The following PBX3 variants were observed in gnomAD, a reference collection of about 807,000 sequenced individuals.
PBX3 encodes the protein PBX homeobox 3.
Under a neutral mutation model 48.5 loss-of-function variants are expected in PBX3, and 14 were observed. The observed-to-expected ratio is 0.29, with a 90% confidence interval of 0.19 to 0.45. The LOEUF (loss-of-function observed/expected upper bound fraction) is 0.45. PBX3 is among the 20% of genes least tolerant of loss of function. The probability of loss-of-function intolerance (pLI) is 1.00; values close to 1 mark genes in which losing one functional copy is unlikely to be tolerated. For synonymous variants in PBX3, 210 were observed against 200.3 expected (o/e 1.05, Z -0.41); for missense variants, 386 against 546.7 (o/e 0.71, Z 2.93).
chr9:125,756,578 A>T (rs1227163696), intron 2 of PBX3, among the ~76,000 whole-genome samples: 1 of 152,164 alleles, frequency 6.6e-6, no homozygotes, highest in Non-Finnish European at 1.5e-5. Context: ...AAGTGTCTGA[A>T]TTCCACCACT....
chr9:125,783,550 G>A (rs904085286), intron 2 of PBX3, among the ~76,000 whole-genome samples: 4 of 152,068 alleles, frequency 2.6e-5, no homozygotes, highest in Non-Finnish European at 4.4e-5. Context: ...AGCCCCCAAA[G>A]TTCTGGGATT....
chr9:125,763,547 C>A (rs1197760415), intron 2 of PBX3, among the ~76,000 whole-genome samples: 4 of 152,122 alleles, frequency 2.6e-5, no homozygotes, highest in Non-Finnish European at 5.9e-5. Context: ...GGTGTCAGCA[C>A]CCCAGGGATA....
chr9:125,885,564 G>T (rs1044879232), intron 2 of PBX3, among the ~76,000 whole-genome samples: 1 of 152,086 alleles, frequency 6.6e-6, no homozygotes, highest in East Asian at 1.9e-4. Flanking sequence ...CAGTTTGCTA[G>T]CAGGGCGACA....
intron 2 of PBX3, among the ~76,000 whole-genome samples, chr9:125,888,483 C>T (rs1335164266): frequency 6.6e-6 from 1 of 151,790 alleles, no homozygotes; most frequent in Non-Finnish European, 1.5e-5. Flanking sequence ...AGAGGAGAGG[C>T]GGCATACATG....
chr9:125,791,040 G>A (rs1019608175), intron 2 of PBX3, among the ~76,000 whole-genome samples: 11 of 151,212 alleles, frequency 7.3e-5, no homozygotes, highest in East Asian at 1.9e-4. Flanking sequence ...TCAGCCTCCC[G>A]AGTAGCTGGG....
At chr9:125,883,584 G>A (rs546991457) in intron 2 of PBX3, among the ~76,000 whole-genome samples, 8 of 151,240 alleles carry the variant, frequency 5.3e-5, no homozygotes, top group South Asian at 2.1e-4. Context: ...TCCTAGTTGC[G>A]TAGCCAATCT....
At chr9:125,768,213 A>G (rs933923461) in intron 2 of PBX3, among the ~76,000 whole-genome samples, 1 of 152,168 alleles carries the variant, frequency 6.6e-6, no homozygotes, top group Non-Finnish European at 1.5e-5. Flanking sequence ...TATGTGATAG[A>G]ATTCTTTTAA....
intron 2 of PBX3, among the ~76,000 whole-genome samples, chr9:125,788,998 G>A (rs1837530314): frequency 6.6e-6 from 1 of 151,752 alleles, no homozygotes; most frequent in Non-Finnish European, 1.5e-5. Context: ...AATATTGCAT[G>A]TTTTTGAACC....
intron 5 of PBX3, among the ~76,000 whole-genome samples, chr9:125,952,650 C>T (rs1842218181): frequency 6.6e-6 from 1 of 152,144 alleles, no homozygotes; most frequent in Non-Finnish European, 1.5e-5. Flanking sequence ...CAACCATGCC[C>T]TTCAGATAAG....
intron 2 of PBX3, among the ~76,000 whole-genome samples, chr9:125,818,226 C>A (rs76917087): frequency 0.059 from 8,975 of 151,504 alleles, 601 homozygotes; most frequent in East Asian, 0.17. Flanking sequence ...AAACAAAAAC[C>A]AAAACCAGAT....
At chr9:125,931,317 T>G (rs1198120879) in intron 4 of PBX3, among the ~76,000 whole-genome samples, 2 of 152,160 alleles carry the variant, frequency 1.3e-5, no homozygotes, top group Non-Finnish European at 2.9e-5. Flanking sequence ...AGCATTCCCT[T>G]ATGCATTCCC....
chr9:125,760,343 ATC>A (rs1273404338), intron 2 of PBX3, among the ~76,000 whole-genome samples: 2 of 151,666 alleles, frequency 1.3e-5, no homozygotes, highest in Non-Finnish European at 2.9e-5. Context: ...TAAACAGTGC[ATC>A]TTTTTGTGCT....
At chr9:125,775,307 T>A (rs1837043599) in intron 2 of PBX3, among the ~76,000 whole-genome samples, 1 of 152,368 alleles carries the variant, frequency 6.6e-6, no homozygotes, top group Non-Finnish European at 1.5e-5. Flanking sequence ...TGTGTGCTCG[T>A]TGGTCATTTG....
chr9:125,864,436 C>T (rs1839932745), intron 2 of PBX3, among the ~76,000 whole-genome samples: 1 of 152,124 alleles, frequency 6.6e-6, no homozygotes, highest in Admixed American at 6.6e-5. Context: ...AAGTGCATTA[C>T]ATTTATTGTG....
chr9:125,921,144 G>A (rs1033957032), intron 3 of PBX3, among the ~76,000 whole-genome samples: 12 of 152,160 alleles, frequency 7.9e-5, no homozygotes, highest in African/African-American at 2.7e-4. Context: ...ATTGTTCCAA[G>A]GGAAGAGTTT....
chr9:125,748,553 A>G lies in PBX3; in HGVS notation c.204A>G (p.Lys68=). The change falls in exon 2 of 9, where the codon AAA becomes AAG. Residue 68 remains lysine, a synonymous_variant. Coordinates refer to ENST00000373489, the MANE Select transcript of PBX3 (RefSeq NM_006195.6). ...TGTTTCGTTATTTGTTTTTTAGGAAACATGCCCTGAACTGTCACAGAATGA... is the reference window on the plus strand; with the variant it reads ...TGTTTCGTTATTTGTTTTTTAGGAAGCATGCCCTGAACTGTCACAGAATGA... The part of the protein sequence containing the change: ...DQSLDEAQAK[K]HALNCHRMKP... The G allele has an allele frequency of 6.2e-7, 1 of 1,613,740 alleles. No homozygotes were observed. Among genetic ancestry groups the G allele is most frequent in the Non-Finnish European group, 8.5e-7 (1 of 1,179,802 alleles).
At chr9:125,938,182 T>G (rs1221098586) in intron 5 of PBX3, among the ~76,000 whole-genome samples, 11 of 152,176 alleles carry the variant, frequency 7.2e-5, no homozygotes, top group Non-Finnish European at 1.6e-4. Flanking sequence ...ATAGGGAAAC[T>G]TCAGAAGAAG....
intron 2 of PBX3, among the ~76,000 whole-genome samples, chr9:125,842,339 A>G (rs372933873): frequency 5.0e-4 from 76 of 152,206 alleles, no homozygotes; most frequent in Middle Eastern, 6.8e-3. Flanking sequence ...CTGACACTCA[A>G]TTTTATTGTA....
intron 5 of PBX3, among the ~76,000 whole-genome samples, chr9:125,943,372 AAAAAAAAAAAAAAAAAAAAAAAAAAAAG>A (rs1368341005): frequency 1.1e-3 from 16 of 14,078 alleles, no homozygotes; most frequent in South Asian, 6.1e-3. Flanking sequence ...AAAAAAAAAA[AAAAAAAAAAAAAAAAAAAAAAAAAAAAG>A]AAAGGAGAGA....
Sources: allele counts gnomAD v4.1 joint callset (sites outside exome capture counted in the v4.1 genomes callset), GRCh38; gene constraint gnomAD v4.1.1; transcripts MANE v1.5; gene names NCBI Gene and HGNC (gene_info 2026-07-23, HGNC 2026-07-21).